The following FNIP2 variants were observed in gnomAD, a reference collection of about 807,000 sequenced individuals.
FNIP2 encodes the protein folliculin interacting protein 2.
FNIP2 carries 32 observed loss-of-function variants against 108.7 expected under a neutral mutation model. That is an observed-to-expected ratio of 0.29 (90% CI 0.22 to 0.40). The LOEUF (loss-of-function observed/expected upper bound fraction) is 0.40, where lower values mean the gene tolerates loss of function less well. Among genes scored for constraint, FNIP2 ranks in the 10% least tolerant of loss-of-function variants. FNIP2 has a pLI of 1.00. For missense variants in FNIP2, 1,202 were observed against 1,381.6 expected (o/e 0.87, Z 2.06); for synonymous variants, 480 against 496.7 (o/e 0.97, Z 0.45).
intron 12 of FNIP2, among the ~76,000 whole-genome samples, chr4:158,867,869 G>A (rs1780672326): frequency 6.6e-6 from 1 of 152,232 alleles, no homozygotes. Context: ...TGTGGGCACA[G>A]CAGCACGACT....
Position 158,824,756 on chromosome 4 carries a change from CT to C in FNIP2, c.108-1157del, listed in dbSNP as rs34631639. On this transcript the variant is annotated intron_variant, in intron 1 of 16. Coordinates refer to ENST00000264433, the MANE Select transcript of FNIP2 (RefSeq NM_020840.3). ...ATGATCCTGGCCCCTGCCTGCCGTC[CT>C]TTCCACCTCACGGCACTCACTCTCT... Among the ~76,000 whole-genome samples the C allele has an allele frequency of 4.7e-3, 722 of 152,284 alleles. 3 individuals carry two copies. The Middle Eastern group carries it at 0.051, about 11-fold the overall frequency.
In FNIP2 at chr4:158,835,339, C is replaced by T. The variant is rs187499077; in HGVS notation, c.656-66C>T. On this transcript the variant is annotated intron_variant, in intron 6 of 16. Coordinates refer to ENST00000264433, the MANE Select transcript of FNIP2 (RefSeq NM_020840.3). The stretch of plus-strand genomic sequence containing the variant: ...CTACTTTGAAATTTAAAAATTACTG[C>T]AGTCATTTTAAAAACTTTATCTCTG... 2.3e-4 allele frequency: 308 copies of T among 1,367,998 alleles called. 1 individual carries two copies. Among genetic ancestry groups the T allele is most frequent in the South Asian group, 9.3e-4 (79 of 84,572 alleles). The allele number at this position is 1,367,998 out of a possible 1,614,324, so 84.7% of individuals were successfully genotyped here. A position where few individuals can be genotyped will look rare whatever the true frequency, so the allele number is the denominator to read the frequency against.
intron 12 of FNIP2, among the ~76,000 whole-genome samples, chr4:158,864,877 T>G (rs1780495438): frequency 1.3e-5 from 2 of 152,106 alleles, no homozygotes; most frequent in South Asian, 4.1e-4. Flanking sequence ...CATCCCATCT[T>G]TTTTCTTTCT....
intron 1 of FNIP2, among the ~76,000 whole-genome samples, chr4:158,778,447 A>G (rs1775928011): frequency 6.6e-6 from 1 of 152,184 alleles, no homozygotes; most frequent in South Asian, 2.1e-4. Flanking sequence ...ATTGCACACC[A>G]TTCTGAGTAG....
intron 16 of FNIP2, among the ~76,000 whole-genome samples, chr4:158,902,383 A>G (rs1177155529): frequency 6.6e-6 from 1 of 152,256 alleles, no homozygotes; most frequent in East Asian, 1.9e-4. Context: ...GGCACCCACC[A>G]GATTCCAGCC....
At chr4:158,843,758 G>C (rs1779250659) in intron 7 of FNIP2, among the ~76,000 whole-genome samples, 1 of 152,150 alleles carries the variant, frequency 6.6e-6, no homozygotes, top group Non-Finnish European at 1.5e-5. Flanking sequence ...AGGAAATAAG[G>C]GGTCTGATCC....
intron 7 of FNIP2, among the ~76,000 whole-genome samples, chr4:158,842,698 C>T (rs929814344): frequency 2.0e-5 from 3 of 151,706 alleles, no homozygotes; most frequent in Non-Finnish European, 4.4e-5. Flanking sequence ...ATTTTTAAAA[C>T]CTTTGTATAA....
At chr4:158,854,389 A>G (rs1007255149) in intron 8 of FNIP2, among the ~76,000 whole-genome samples, 27 of 152,176 alleles carry the variant, frequency 1.8e-4, no homozygotes, top group African/African-American at 6.5e-4. Flanking sequence ...CACCACAGTC[A>G]CAGCCATTAG....
chr4:158,769,142 C>T lies in FNIP2; in HGVS notation c.-71C>T, dbSNP rs1775603154. The T allele has an allele frequency of 1.4e-6, 1 of 709,870 alleles. No individual in the cohort carries two copies. Among genetic ancestry groups the T allele is most frequent in the African/African-American group, 1.9e-5 (1 of 51,556 alleles). The allele number at this position is 709,870 out of a possible 1,614,324, so 44.0% of individuals were successfully genotyped here. A position where few individuals can be genotyped will look rare whatever the true frequency, so the allele number is the denominator to read the frequency against. On this transcript the variant is annotated 5_prime_UTR_variant, in exon 1 of 17. Transcript: ENST00000264433. ...CGCCGCGATGGCCCCGCCACCGCGG[C>T]CGCCGCCCCCGGCTGCGCGCTGAGC...
chr4:158,847,951 T>C (rs961174168), intron 7 of FNIP2, among the ~76,000 whole-genome samples: 1 of 152,224 alleles, frequency 6.6e-6, no homozygotes. Flanking sequence ...TGACTTTGTC[T>C]TGTGGCTTGG....
intron 15 of FNIP2, among the ~76,000 whole-genome samples, chr4:158,893,999 G>A (rs1444253613): frequency 6.6e-6 from 1 of 152,038 alleles, no homozygotes; most frequent in Non-Finnish European, 1.5e-5. Flanking sequence ...AATGAAACCT[G>A]TGATTAAATG....
intron 16 of FNIP2, among the ~76,000 whole-genome samples, chr4:158,903,188 T>C (rs1729505774): frequency 6.6e-6 from 1 of 152,180 alleles, no homozygotes; most frequent in Non-Finnish European, 1.5e-5. Flanking sequence ...CAGACTGCAG[T>C]GCAGATATTG....
chr4:158,796,111 TTTA>T (rs1186197463), intron 1 of FNIP2: 1 of 152,162 alleles, frequency 6.6e-6, no homozygotes, highest in East Asian at 1.9e-4. Context: ...AGAGGCATTG[TTTA>T]TAGAGTCCGT....
At chr4:158,776,913 A>G (rs1298202017) in intron 1 of FNIP2, among the ~76,000 whole-genome samples, 2 of 152,236 alleles carry the variant, frequency 1.3e-5, no homozygotes. Context: ...GACATTTTAG[A>G]AAATGAATCT....
At position 158,859,696 on chromosome 4, in the gene FNIP2, A is replaced by T. The variant is rs75653740; in HGVS notation, c.1148+30A>T. ...AGTGGCAAAGTTTGGCAAATCCAAC[A>T]GGAGATGTTTATGAGCAGCCATGGA... On this transcript the variant is annotated intron_variant, in intron 10 of 16. Coordinates refer to ENST00000264433, the MANE Select transcript of FNIP2 (RefSeq NM_020840.3). 648 of 1,565,952 alleles carry T rather than the reference A, an allele frequency of 4.1e-4. 2 individuals carry two copies. The African/African-American group carries it at 7.2e-3, about 18-fold the overall frequency.
chr4:158,808,246 G>A (rs1231154811), intron 1 of FNIP2, among the ~76,000 whole-genome samples: 1 of 152,156 alleles, frequency 6.6e-6, no homozygotes, highest in Non-Finnish European at 1.5e-5. Context: ...ATGAAAGATG[G>A]GGATTGAATG....
Position 158,776,059 on chromosome 4 carries a change from A to G in FNIP2, c.107+6740A>G, listed in dbSNP as rs964251630. On this transcript the variant is annotated intron_variant, in intron 1 of 16. Coordinates refer to ENST00000264433, the MANE Select transcript of FNIP2 (RefSeq NM_020840.3). ...AAGACTTTTTAATCATAAATAAGAG[A>G]TTTCTGTATTTGATATATATCTTTA... 5.3e-5 allele frequency among the ~76,000 whole-genome samples: 8 copies of G among 152,302 alleles called. No homozygotes were observed. In the East Asian group the frequency reaches 1.5e-3, roughly 29 times the overall value.
chr4:158,830,423 C>T (rs527654095), intron 3 of FNIP2, among the ~76,000 whole-genome samples: 7 of 151,586 alleles, frequency 4.6e-5, no homozygotes, highest in African/African-American at 7.3e-5. Context: ...CCACCGCGCC[C>T]GGCTAATTTT....
chr4:158,826,154 TA>T (rs1336818096), intron 2 of FNIP2, 112 bp downstream of exon 2: 43 of 1,379,190 alleles, frequency 3.1e-5, no homozygotes, highest in Non-Finnish European at 4.0e-5. Context: ...ACAGTGCCAT[TA>T]ATGGTTCAGA....
Sources: allele counts gnomAD v4.1 joint callset (sites outside exome capture counted in the v4.1 genomes callset), GRCh38; gene constraint gnomAD v4.1.1; transcripts MANE v1.5; gene names NCBI Gene and HGNC (gene_info 2026-07-23, HGNC 2026-07-21).